The following PTPRD variants were observed in gnomAD, a reference collection of about 807,000 sequenced individuals.
PTPRD encodes the protein receptor-type tyrosine-protein phosphatase delta.
A neutral mutation model predicts 214.5 loss-of-function variants in PTPRD; 34 were observed. That is an observed-to-expected ratio of 0.16 (90% CI 0.12 to 0.21). PTPRD has a LOEUF of 0.21. Ranked by LOEUF, PTPRD falls within the 10% of genes least tolerant of loss-of-function variation. The pLI, the probability that PTPRD is intolerant of heterozygous loss-of-function variation, is 1.00. For missense variants in PTPRD, 2,545 were observed against 2,398.7 expected, an observed-to-expected ratio of 1.06 and a Z score of -1.27; for synonymous variants, 1,128 against 845.7, an observed-to-expected ratio of 1.33 and a Z score of -5.79.
intron 2 of PTPRD, among the ~76,000 whole-genome samples, chr9:10,589,062 T>A (rs950005493): frequency 3.9e-5 from 6 of 152,030 alleles, no homozygotes; most frequent in African/African-American, 1.4e-4. Flanking sequence ...ACCCAAATAA[T>A]TGCATAGAGT....
At chr9:9,444,191 C>CT (rs933189024) in intron 8 of PTPRD, among the ~76,000 whole-genome samples, 1 of 152,098 alleles carries the variant, frequency 6.6e-6, no homozygotes, top group South Asian at 2.1e-4. Flanking sequence ...CGTGCATCTA[C>CT]TTTTTTTTCT....
At chr9:9,960,278 C>A (rs2094266136) in intron 4 of PTPRD, among the ~76,000 whole-genome samples, 1 of 149,878 alleles carries the variant, frequency 6.7e-6, no homozygotes, top group African/African-American at 2.5e-5. Context: ...GGATAGCTCC[C>A]AATGGCCAAA....
intron 3 of PTPRD, among the ~76,000 whole-genome samples, chr9:10,241,076 T>A (rs966064987): frequency 9.2e-5 from 14 of 151,676 alleles, no homozygotes; most frequent in African/African-American, 3.4e-4. Context: ...CTATATGGAT[T>A]ACAAATAAGC....
At chr9:8,360,445 C>A (rs2078193386) in intron 39 of PTPRD, among the ~76,000 whole-genome samples, 1 of 152,180 alleles carries the variant, frequency 6.6e-6, no homozygotes. Flanking sequence ...CAACTGTATA[C>A]ATACATTTTA....
At chr9:8,682,350 G>A (rs1221907051) in intron 12 of PTPRD, among the ~76,000 whole-genome samples, 2 of 152,054 alleles carry the variant, frequency 1.3e-5, no homozygotes, top group Non-Finnish European at 2.9e-5. Context: ...CAGGGAGGAA[G>A]CCTGAACTTG....
chr9:8,542,740 G>C (rs573649313), intron 14 of PTPRD, among the ~76,000 whole-genome samples: 8 of 152,182 alleles, frequency 5.3e-5, no homozygotes, highest in Non-Finnish European at 1.0e-4. Context: ...AGAGCAAGCC[G>C]TTTGCCTCCT....
intron 19 of PTPRD, among the ~76,000 whole-genome samples, chr9:8,523,159 A>T (rs2097923905): frequency 6.6e-6 from 1 of 152,184 alleles, no homozygotes; most frequent in Admixed American, 6.6e-5. Flanking sequence ...GGGAGAAACT[A>T]GAAAAAGTCA....
chr9:8,938,860 A>C (rs1235122946), intron 11 of PTPRD, among the ~76,000 whole-genome samples: 1 of 152,166 alleles, frequency 6.6e-6, no homozygotes, highest in Non-Finnish European at 1.5e-5. Context: ...ATATTAATTA[A>C]GACAAGTTCA....
chr9:8,718,702 T>G (rs1206362941), intron 12 of PTPRD, among the ~76,000 whole-genome samples: 1 of 152,178 alleles, frequency 6.6e-6, no homozygotes, highest in Non-Finnish European at 1.5e-5. Flanking sequence ...GGTATGCCCT[T>G]CCTACATCTG....
chr9:10,018,884 C>A (rs1388709075), intron 4 of PTPRD, among the ~76,000 whole-genome samples: 1 of 152,112 alleles, frequency 6.6e-6, no homozygotes, highest in South Asian at 2.1e-4. Context: ...TGTTAATATG[C>A]ACAATACTTT....
chr9:8,952,241 A>G (rs2099106057), intron 11 of PTPRD, among the ~76,000 whole-genome samples: 1 of 151,948 alleles, frequency 6.6e-6, no homozygotes, highest in African/African-American at 2.4e-5. Flanking sequence ...ATATTTGTTG[A>G]AGAAACAAAC....
At chr9:8,996,540 G>A (rs10739180) in intron 11 of PTPRD, among the ~76,000 whole-genome samples, 96,896 of 151,704 alleles carry the variant, frequency 0.64, 31,043 homozygotes, top group African/African-American at 0.66. Flanking sequence ...GGCTACTATA[G>A]CAAAATATCT....
At chr9:10,060,407 C>T (rs1220934773) in intron 3 of PTPRD, among the ~76,000 whole-genome samples, 2 of 152,036 alleles carry the variant, frequency 1.3e-5, no homozygotes, top group African/African-American at 4.8e-5. Flanking sequence ...TTTCTACCTA[C>T]TCAAAGTGTC....
intron 3 of PTPRD, among the ~76,000 whole-genome samples, chr9:10,168,407 C>T (rs1298466041): frequency 5.3e-5 from 8 of 152,174 alleles, no homozygotes; most frequent in Admixed American, 3.9e-4. Context: ...CTATTATCTG[C>T]AGCACAATGA....
intron 30 of PTPRD, among the ~76,000 whole-genome samples, chr9:8,481,106 C>T (rs891690913): frequency 6.7e-4 from 90 of 133,676 alleles, no homozygotes; most frequent in African/African-American, 2.5e-3. Context: ...CGCCACTGCA[C>T]GCCGGCCTGG....
At chr9:9,555,883 A>T (rs2081397607) in intron 8 of PTPRD, among the ~76,000 whole-genome samples, 1 of 152,146 alleles carries the variant, frequency 6.6e-6, no homozygotes, top group Non-Finnish European at 1.5e-5. Flanking sequence ...AGTTCAAAAG[A>T]TTGTCCTCCT....
intron 14 of PTPRD, among the ~76,000 whole-genome samples, chr9:8,604,822 TG>T (rs1189751756): frequency 6.6e-6 from 1 of 152,138 alleles, no homozygotes; most frequent in Non-Finnish European, 1.5e-5. Context: ...TGCCATTAAC[TG>T]AGATGGAAAA....
chr9:9,034,578 A>G (rs1448849459), intron 10 of PTPRD, among the ~76,000 whole-genome samples: 3 of 152,158 alleles, frequency 2.0e-5, no homozygotes, highest in African/African-American at 7.2e-5. Flanking sequence ...ACATAATTCT[A>G]TAAGATAAAG....
chr9:9,551,269 C>A (rs1408893034), intron 8 of PTPRD, among the ~76,000 whole-genome samples: 1 of 151,818 alleles, frequency 6.6e-6, no homozygotes, highest in Non-Finnish European at 1.5e-5. Flanking sequence ...ACTGAAAAAT[C>A]TTATAAAGCT....
Sources: allele counts gnomAD v4.1 joint callset (sites outside exome capture counted in the v4.1 genomes callset), GRCh38; gene constraint gnomAD v4.1.1; transcripts MANE v1.5; gene names NCBI Gene and HGNC (gene_info 2026-07-23, HGNC 2026-07-21).